The following NEK11 variants were observed in gnomAD, a reference collection of about 807,000 sequenced individuals.
NEK11 encodes the protein serine/threonine-protein kinase Nek11.
A neutral mutation model predicts 80.7 loss-of-function variants in NEK11; 72 were observed. The ratio of observed to expected loss-of-function variants is 0.89; its 90% CI spans 0.74 to 1.08. The LOEUF (loss-of-function observed/expected upper bound fraction) is 1.08, where lower values mean the gene tolerates loss of function less well. Among genes scored for constraint, NEK11 ranks in the 50% least tolerant of loss-of-function variants. The pLI is 0.00. For missense variants in NEK11, 764 were observed against 763.6 expected (o/e 1.00, Z -0.01); for synonymous variants, 251 against 260.7 (o/e 0.96, Z 0.36).
rs116154280 is a variant in NEK11, at chr3:131,279,867, C to T, written c.1718+6293C>T. 5.4e-3 allele frequency among the ~76,000 whole-genome samples: 824 copies of T among 152,276 alleles called. 4 individuals are homozygous for T. The highest frequency in any genetic ancestry group is 0.017 in the African/African-American group (726 of 41,530). ...AAAGTCACAGGCACCTCACTAGCAG[C>T]GGTCCCGAAGGTTTCTGTCCCCAGT... On this transcript the variant is annotated intron_variant, in intron 17 of 17. Coordinates refer to ENST00000383366, the MANE Select transcript of NEK11 (RefSeq NM_024800.5).
intron 4 of NEK11, among the ~76,000 whole-genome samples, chr3:131,091,864 C>T (rs2076779039): frequency 6.6e-6 from 1 of 152,302 alleles, no homozygotes; most frequent in African/African-American, 2.4e-5. Context: ...TTCTGCCCAG[C>T]AACCTGAGCA....
At position 131,171,024 on chromosome 3, in the gene NEK11, G is replaced by C. The variant is rs1184283008; in HGVS notation, c.1399+137G>C. On this transcript the variant is annotated intron_variant, in intron 14 of 17. Coordinates refer to ENST00000383366, the MANE Select transcript of NEK11 (RefSeq NM_024800.5). Reference sequence around the variant, plus strand: ...AGCTATTATCAGTTTACCAGGGCTGGGCTATGACCAGGATGAAAAGTAGAG... The same window carrying C: ...AGCTATTATCAGTTTACCAGGGCTGCGCTATGACCAGGATGAAAAGTAGAG... 1.1e-5 allele frequency: 8 copies of C among 721,200 alleles called. No homozygotes were observed. The Admixed American group carries it at 1.6e-4, about 14-fold the overall frequency. 44.7% of individuals were successfully genotyped at this position (721,200 alleles called of 1,614,324 possible). A position where few individuals can be genotyped will look rare whatever the true frequency, so the allele number is the denominator to read the frequency against.
At chr3:131,094,175 G>T (rs1452011179) in intron 4 of NEK11, among the ~76,000 whole-genome samples, 1 of 151,400 alleles carries the variant, frequency 6.6e-6, no homozygotes, top group Non-Finnish European at 1.5e-5. Flanking sequence ...CTTTTTCAGT[G>T]AGGCTCAAGG....
intron 14 of NEK11, among the ~76,000 whole-genome samples, chr3:131,182,530 A>G (rs1247033132): frequency 6.6e-6 from 1 of 152,182 alleles, no homozygotes; most frequent in Non-Finnish European, 1.5e-5. Flanking sequence ...ATGTGGGGAT[A>G]TATTTATATG....
At chr3:131,104,922 C>T (rs2078956746) in intron 4 of NEK11, among the ~76,000 whole-genome samples, 1 of 152,212 alleles carries the variant, frequency 6.6e-6, no homozygotes, top group South Asian at 2.1e-4. Context: ...TTCCTTGCAG[C>T]TGGGAGCCTC....
intron 3 of NEK11, among the ~76,000 whole-genome samples, chr3:131,036,647 TAAG>T (rs1297985247): frequency 6.6e-6 from 1 of 152,230 alleles, no homozygotes; most frequent in Non-Finnish European, 1.5e-5. Flanking sequence ...GAAGAATTAT[TAAG>T]AAGTAGCCAG....
At chr3:131,349,214 A>G (rs1204266010) in intron 17 of NEK11, among the ~76,000 whole-genome samples, 1 of 152,098 alleles carries the variant, frequency 6.6e-6, no homozygotes, top group Non-Finnish European at 1.5e-5. Context: ...ACCATCTGAT[A>G]TCTTATGTGT....
chr3:131,148,627 C>G (rs1338926924), intron 7 of NEK11, among the ~76,000 whole-genome samples: 3 of 151,698 alleles, frequency 2.0e-5, no homozygotes, highest in Non-Finnish European at 4.4e-5. Flanking sequence ...ATAAGGATTG[C>G]TTTATAATAT....
At chr3:131,289,154 C>G (rs2096515757) in intron 17 of NEK11, among the ~76,000 whole-genome samples, 1 of 152,170 alleles carries the variant, frequency 6.6e-6, no homozygotes, top group Non-Finnish European at 1.5e-5. Context: ...AGGGCTCTCT[C>G]CTTAGCTTAC....
chr3:131,291,109 C>G (rs914457934), intron 17 of NEK11, among the ~76,000 whole-genome samples: 1 of 152,026 alleles, frequency 6.6e-6, no homozygotes, highest in Non-Finnish European at 1.5e-5. Flanking sequence ...CCCTCCCAAC[C>G]CCTGGCAACC....
chr3:131,070,864 G>A lies in NEK11; in HGVS notation c.171-9559G>A, dbSNP rs2073157310. Among the ~76,000 whole-genome samples, 5 of 152,148 alleles carry A rather than the reference G, an allele frequency of 3.3e-5. No homozygotes were observed. The South Asian group carries it at 1.0e-3, about 31-fold the overall frequency. On this transcript the variant is annotated intron_variant, in intron 3 of 17. Transcript: ENST00000383366. ...TGGTGGCTCCATTGTAACTTGCTTT[G>A]TGACCTTGGATAAATTGCTTAATGT...
intron 4 of NEK11, among the ~76,000 whole-genome samples, chr3:131,087,832 C>T (rs1392294413): frequency 6.6e-6 from 1 of 152,104 alleles, no homozygotes; most frequent in East Asian, 1.9e-4. Flanking sequence ...GTATTAGAAA[C>T]AAATCCTTTT....
chr3:131,037,679 CT>C (rs1353264822), intron 3 of NEK11, among the ~76,000 whole-genome samples: 1 of 152,210 alleles, frequency 6.6e-6, no homozygotes, highest in African/African-American at 2.4e-5. Flanking sequence ...CATTTAATAG[CT>C]GATCACCTTT....
intron 17 of NEK11, among the ~76,000 whole-genome samples, chr3:131,342,474 T>A (rs2097300695): frequency 6.6e-6 from 1 of 152,088 alleles, no homozygotes; most frequent in Non-Finnish European, 1.5e-5. Context: ...GGCTTTCTGG[T>A]AAACCAGGTT....
intron 17 of NEK11, among the ~76,000 whole-genome samples, chr3:131,340,014 A>G (rs1393319980): frequency 6.6e-6 from 1 of 152,224 alleles, no homozygotes; most frequent in African/African-American, 2.4e-5. Flanking sequence ...AAGGAAACTA[A>G]AGAGACATGA....
At chr3:131,227,795 A>C (rs2095241784) in intron 14 of NEK11, among the ~76,000 whole-genome samples, 1 of 152,040 alleles carries the variant, frequency 6.6e-6, no homozygotes, top group Non-Finnish European at 1.5e-5. Flanking sequence ...TGATCCATTC[A>C]TGGCCTTTCT....
chr3:131,158,772 G>T (rs1023097350), intron 10 of NEK11, among the ~76,000 whole-genome samples: 2 of 152,138 alleles, frequency 1.3e-5, no homozygotes, highest in Non-Finnish European at 2.9e-5. Flanking sequence ...CAGCTGACAA[G>T]TCTGCACCCC....
At chr3:131,107,913 G>C (rs1199286660) in intron 4 of NEK11, among the ~76,000 whole-genome samples, 1 of 152,088 alleles carries the variant, frequency 6.6e-6, no homozygotes, top group East Asian at 1.9e-4. Flanking sequence ...TGAGAGTACA[G>C]CTTGTATGGC....
At chr3:131,292,517 T>G (rs184684169) in intron 17 of NEK11, among the ~76,000 whole-genome samples, 1 of 145,128 alleles carries the variant, frequency 6.9e-6, no homozygotes, top group African/African-American at 2.5e-5. Flanking sequence ...ACTAACATCT[T>G]TTTTTTTTTT....
Sources: gnomAD v4.1 joint callset for allele counts (sites outside exome capture counted in the v4.1 genomes callset) on GRCh38, gnomAD v4.1.1 for gene constraint, MANE v1.5 for transcripts, NCBI Gene and HGNC (gene_info 2026-07-23, HGNC 2026-07-21) for gene names.